RALGAPA1: variants seen among roughly 807,000 people sequenced by gnomAD.
The protein encoded by RALGAPA1 is ral GTPase-activating protein subunit alpha-1.
RALGAPA1 carries 52 observed loss-of-function variants against 269.6 expected under a neutral mutation model. The ratio of observed to expected loss-of-function variants is 0.19; its 90% CI spans 0.15 to 0.24. The LOEUF (loss-of-function observed/expected upper bound fraction) is 0.24. Ranked by LOEUF, RALGAPA1 falls within the 10% of genes least tolerant of loss-of-function variation. RALGAPA1 has a pLI of 1.00. For synonymous variants in RALGAPA1, 817 were observed against 1,008.3 expected (o/e 0.81, Z 3.60); for missense variants, 1,917 against 3,013.9 (o/e 0.64, Z 8.52).
At chr14:35,567,728 T>C (rs187316881) in intron 39 of RALGAPA1, among the ~76,000 whole-genome samples, 11 of 152,290 alleles carry the variant, frequency 7.2e-5, no homozygotes, top group African/African-American at 2.6e-4. Context: ...GCATCTTAAA[T>C]GTTGTTGTAC....
intron 12 of RALGAPA1, among the ~76,000 whole-genome samples, chr14:35,737,790 A>AAAAAAAAAAAAT (rs1322437907): frequency 7.2e-6 from 1 of 138,416 alleles, no homozygotes; most frequent in African/African-American, 2.7e-5. Context: ...AAAAAAAAAA[A>AAAAAAAAAAAAT]AAAAGAATGT....
At chr14:35,636,757 GT>G (rs1419238321) in intron 31 of RALGAPA1, among the ~76,000 whole-genome samples, 1 of 152,190 alleles carries the variant, frequency 6.6e-6, no homozygotes, top group African/African-American at 2.4e-5. Flanking sequence ...CTAGCCTCAA[GT>G]GATCTGTCTG....
chr14:35,726,659 C>T (rs2069940910), intron 13 of RALGAPA1, among the ~76,000 whole-genome samples: 1 of 151,912 alleles, frequency 6.6e-6, no homozygotes, highest in South Asian at 2.1e-4. Context: ...TGAAAAACCT[C>T]CCAAAATGCT....
intron 5 of RALGAPA1, 54 bp downstream of exon 5, chr14:35,762,656 G>C (rs2073824107): frequency 1.0e-6 from 1 of 955,546 alleles, no homozygotes; most frequent in Admixed American, 1.7e-5. Flanking sequence ...TAACAGGTGG[G>C]ATGTATGTTC....
chr14:35,699,829 T>C (rs577816025), intron 17 of RALGAPA1, among the ~76,000 whole-genome samples: 34 of 151,520 alleles, frequency 2.2e-4, no homozygotes, highest in Non-Finnish European at 3.5e-4. Context: ...TTTACAAGAC[T>C]TCTATTATAT....
chr14:35,757,152 C>T (rs2073258007), intron 6 of RALGAPA1, among the ~76,000 whole-genome samples: 1 of 148,486 alleles, frequency 6.7e-6, no homozygotes, highest in Admixed American at 6.7e-5. Flanking sequence ...GAGTCTCACT[C>T]TGTTACCCTG....
At chr14:35,683,147 G>A (rs1367132795) in intron 21 of RALGAPA1, among the ~76,000 whole-genome samples, 5 of 152,208 alleles carry the variant, frequency 3.3e-5, no homozygotes, top group South Asian at 2.1e-4. Flanking sequence ...TTATAGAGTG[G>A]AACCCCCAAG....
chr14:35,541,884 A>C (rs2054040452), intron 41 of RALGAPA1: 1 of 482,750 alleles, frequency 2.1e-6, no homozygotes, highest in South Asian at 1.5e-5. Context: ...TATGAGAGAC[A>C]CAGTGCAGAA....
intron 9 of RALGAPA1, among the ~76,000 whole-genome samples, chr14:35,749,817 A>G (rs779989360): frequency 1.2e-4 from 18 of 152,160 alleles, no homozygotes; most frequent in Non-Finnish European, 1.5e-5. Context: ...TACTTATAAA[A>G]GATTTAAGGT....
chr14:35,796,786 T>TC (rs2076592095), intron 1 of RALGAPA1, among the ~76,000 whole-genome samples: 2 of 149,736 alleles, frequency 1.3e-5, no homozygotes, highest in African/African-American at 2.4e-5. Context: ...AACAAAAGTA[T>TC]CCTTTTTTTT....
chr14:35,686,291 G>C (rs985721778), intron 19 of RALGAPA1, among the ~76,000 whole-genome samples: 2 of 151,964 alleles, frequency 1.3e-5, no homozygotes, highest in African/African-American at 4.8e-5. Context: ...GCTTATACCT[G>C]TGTATTTGTG....
rs145070123 is a variant in RALGAPA1, at chr14:35,624,329, C to T, written c.6929+1032G>A. Among the ~76,000 whole-genome samples, 404 of 150,492 alleles carry T rather than the reference C, an allele frequency of 2.7e-3. 2 individuals are homozygous for T. Among genetic ancestry groups the T allele is most frequent in the African/African-American group, 7.1e-3 (292 of 41,018 alleles). ...TTTGAGAAAAGCTAAAAACAACAAC[C>T]AAAACCAGTTAGAAATTACAGGAAG... On this transcript the variant is annotated intron_variant, in intron 35 of 41. Transcript: ENST00000680220.
At chr14:35,678,174 C>A in intron 21 of RALGAPA1, 72 bp from the exon 22 acceptor site, 1 of 1,416,824 alleles carries the variant, frequency 7.1e-7, no homozygotes, top group Non-Finnish European at 9.5e-7. Context: ...TGCTTAACAC[C>A]CTAAATAAAA....
chr14:35,576,115 T>C (rs1163420813), intron 37 of RALGAPA1, among the ~76,000 whole-genome samples: 2 of 152,214 alleles, frequency 1.3e-5, no homozygotes, highest in East Asian at 3.8e-4. Context: ...TACAAACATA[T>C]TCATTATCTT....
chr14:35,801,143 A>G (rs1048729490), intron 1 of RALGAPA1, among the ~76,000 whole-genome samples: 1 of 151,898 alleles, frequency 6.6e-6, no homozygotes, highest in East Asian at 1.9e-4. Flanking sequence ...AATAAAAGCG[A>G]TAAGACTCTA....
In RALGAPA1 at chr14:35,727,295, T is replaced by G. The variant is rs12586242; in HGVS notation, c.1736+1067A>C. Reference sequence around the variant, plus strand: ...TACATGTCCATCAGTACAGGACTGGTTAAGAAAATTATGGCATATATATAT... The same window carrying G: ...TACATGTCCATCAGTACAGGACTGGGTAAGAAAATTATGGCATATATATAT... On this transcript the variant is annotated intron_variant, in intron 13 of 41. Coordinates refer to ENST00000680220, the MANE Select transcript of RALGAPA1 (RefSeq NM_001346249.2). Among the ~76,000 whole-genome samples the G allele has an allele frequency of 1.5e-3, 193 of 130,252 alleles. 5 individuals are homozygous for G. The East Asian group carries it at 0.034, about 23-fold the overall frequency. 85.5% of individuals were successfully genotyped at this position (130,252 alleles called of 152,430 possible). A position where few individuals can be genotyped will look rare whatever the true frequency, so the allele number is the denominator to read the frequency against.
At chr14:35,616,329 T>C (rs1020608131) in intron 35 of RALGAPA1, among the ~76,000 whole-genome samples, 1 of 152,080 alleles carries the variant, frequency 6.6e-6, no homozygotes, top group Non-Finnish European at 1.5e-5. Flanking sequence ...CCTGGAATAA[T>C]TAGAGAATTA....
At chr14:35,674,307 C>G in intron 23 of RALGAPA1, 29 bp from the exon 24 acceptor site, 1 of 1,538,364 alleles carries the variant, frequency 6.5e-7, no homozygotes, top group Non-Finnish European at 8.9e-7. Flanking sequence ...AAGCAACAAA[C>G]CTAAGAAAAC....
intron 16 of RALGAPA1, among the ~76,000 whole-genome samples, chr14:35,709,169 G>C (rs551624636): frequency 1.7e-4 from 26 of 151,942 alleles, no homozygotes; most frequent in African/African-American, 6.0e-4. Context: ...AGTACAACAG[G>C]GTGACTATAG....
Sources: allele counts gnomAD v4.1 joint callset (sites outside exome capture counted in the v4.1 genomes callset), GRCh38; gene constraint gnomAD v4.1.1; transcripts MANE v1.5; gene names NCBI Gene and HGNC (gene_info 2026-07-23, HGNC 2026-07-21).